The following NWD2 variants were observed in gnomAD, a reference collection of about 807,000 sequenced individuals.
NWD2 encodes the protein NACHT and WD repeat domain containing 2, also known as NACHT and WD repeat domain-containing protein 2.
NWD2 carries 37 observed loss-of-function variants against 132.7 expected under a neutral mutation model. The observed-to-expected ratio is 0.28, with a 90% CI of 0.21 to 0.37. The LOEUF (loss-of-function observed/expected upper bound fraction) is 0.37, where lower values mean the gene tolerates loss of function less well. Among genes scored for constraint, NWD2 ranks in the 10% least tolerant of loss-of-function variants. The pLI is 1.00. For missense variants in NWD2, 1,592 were observed against 2,122.4 expected, an observed-to-expected ratio of 0.75 and a Z score of 4.91; for synonymous variants, 705 against 803.0, an observed-to-expected ratio of 0.88 and a Z score of 2.06.
chr4:37,439,382 G>A lies in NWD2; in HGVS notation c.1288G>A (p.Ala430Thr), dbSNP rs1044805789. ...TGKTLLLAEV[A>T]KKAYGWLHED... is the part of the protein sequence containing the mutation. ...GAAGACCCTTCTGCTAGCTGAAGTAGCAAAGAAGGTAAAAGCCTATTCTTT... is the reference window on the plus strand; with the variant it reads ...GAAGACCCTTCTGCTAGCTGAAGTAACAAAGAAGGTAAAAGCCTATTCTTT... The change falls in exon 6 of 7, where the codon GCA (alanine) becomes ACA (threonine). Residue 430 changes from alanine to threonine, a missense_variant. By Grantham distance (58) the Ala-to-Thr change is moderately conservative. This residue lies in a region of NWD2 where 1,071 missense variants were observed against 1,398.0 expected (regional missense o/e 0.77). Transcript: ENST00000309447. This position sits in a 1 kb window ranked among gnomAD's most constrained non-coding sequence, Gnocchi z 4.5. 10 of 1,457,998 alleles carry A rather than the reference G, an allele frequency of 6.9e-6. No homozygotes were observed. In the Admixed American group the frequency reaches 2.8e-4, roughly 41 times the overall value. 90.3% of individuals were successfully genotyped at this position (1,457,998 alleles called of 1,614,324 possible). A position where few individuals can be genotyped will look rare whatever the true frequency, so the allele number is the denominator to read the frequency against.
intron 1 of NWD2, among the ~76,000 whole-genome samples, chr4:37,259,318 T>C (rs890405170): frequency 1.3e-5 from 2 of 152,232 alleles, no homozygotes. Flanking sequence ...AGCATTGCTG[T>C]TTGCTTAAAA....
intron 1 of NWD2, among the ~76,000 whole-genome samples, chr4:37,265,503 T>C (rs1717731328): frequency 6.6e-6 from 1 of 152,128 alleles, no homozygotes; most frequent in South Asian, 2.1e-4. Flanking sequence ...TATTGACAAG[T>C]CTGCATTCTC....
chr4:37,312,988 A>G (rs1718880940), intron 1 of NWD2, among the ~76,000 whole-genome samples: 1 of 151,088 alleles, frequency 6.6e-6, no homozygotes, highest in African/African-American at 2.5e-5. Context: ...CCACTTGATC[A>G]TGGTGGATAA....
At chr4:37,432,395 A>T (rs1447079224) in intron 4 of NWD2, among the ~76,000 whole-genome samples, 1 of 151,262 alleles carries the variant, frequency 6.6e-6, no homozygotes, top group Non-Finnish European at 1.5e-5. Flanking sequence ...AAGAAAATTG[A>T]TCACGTGAAA....
intron 1 of NWD2, among the ~76,000 whole-genome samples, chr4:37,279,141 GTT>G (rs1269949333): frequency 6.6e-6 from 1 of 152,088 alleles, no homozygotes; most frequent in Non-Finnish European, 1.5e-5. Flanking sequence ...TCTGTGGCAA[GTT>G]CCTTTATTTA....
At chr4:37,319,847 A>G (rs1354128746) in intron 1 of NWD2, among the ~76,000 whole-genome samples, 17 of 152,122 alleles carry the variant, frequency 1.1e-4, no homozygotes, top group Non-Finnish European at 2.5e-4. Flanking sequence ...CTGTTTTTGT[A>G]TCAGTACCGT....
At chr4:37,432,644 C>A (rs1712211301) in intron 4 of NWD2, among the ~76,000 whole-genome samples, 1 of 152,122 alleles carries the variant, frequency 6.6e-6, no homozygotes, top group African/African-American at 2.4e-5. Context: ...TTTGTAAAAT[C>A]TACCTAGCTA....
intron 2 of NWD2, among the ~76,000 whole-genome samples, chr4:37,354,366 G>C (rs1413620191): frequency 1.3e-5 from 2 of 152,210 alleles, no homozygotes; most frequent in Non-Finnish European, 2.9e-5. Context: ...AGCAGAGCTT[G>C]AGAGCTGTGC....
At chr4:37,389,556 ATGTTAGTC>A (rs1216591565) in intron 3 of NWD2, among the ~76,000 whole-genome samples, 6 of 152,142 alleles carry the variant, frequency 3.9e-5, no homozygotes, top group African/African-American at 1.4e-4. Context: ...AGAGCTTTTC[ATGTTAGTC>A]GTTCTGGCGC....
intron 3 of NWD2, among the ~76,000 whole-genome samples, chr4:37,366,576 GTTCAACTGTATGCGGTT>G (rs1329274856): frequency 6.6e-6 from 1 of 152,004 alleles, no homozygotes; most frequent in Non-Finnish European, 1.5e-5. Flanking sequence ...TTAAATACAG[GTTCAACTGTATGCGGTT>G]TTCAAGAGTT....
At chr4:37,264,786 CATT>C (rs1485540269) in intron 1 of NWD2, among the ~76,000 whole-genome samples, 1 of 112,512 alleles carries the variant, frequency 8.9e-6, no homozygotes, top group South Asian at 2.7e-4. Flanking sequence ...TGTAAAAAAA[CATT>C]ATATAAAGGA....
In NWD2 at chr4:37,444,876, TATC is replaced by T. The variant is rs765677686; in HGVS notation, c.2892_2894del (p.Ser966del). On this transcript the variant is annotated inframe_deletion, in exon 7 of 7. Coordinates refer to ENST00000309447, the MANE Select transcript of NWD2 (RefSeq NM_001144990.2). The surrounding 1 kb of genome is among the most constrained non-coding windows in gnomAD (Gnocchi z 4.8). ...ACATACAGCCCAGAGCGTCTTCCCTTATCATCCAGTCACCTGCATGTCACAGAG... is the reference window on the plus strand; with the variant it reads ...ACATACAGCCCAGAGCGTCTTCCCTTATCCAGTCACCTGCATGTCACAGAG... 1.9e-4 allele frequency: 299 copies of T among 1,552,144 alleles called. No homozygotes were observed. The highest frequency in any genetic ancestry group is 3.7e-4 in the Admixed American group (19 of 50,974).
intron 2 of NWD2, among the ~76,000 whole-genome samples, chr4:37,329,578 A>T (rs1247216626): frequency 6.6e-6 from 1 of 151,986 alleles, no homozygotes; most frequent in Non-Finnish European, 1.5e-5. Context: ...TCACACTACC[A>T]CACTCCAGTC....
chr4:37,412,125 T>C (rs149137939), intron 3 of NWD2, among the ~76,000 whole-genome samples: 28,657 of 152,092 alleles, frequency 0.19, 2,774 homozygotes, highest in East Asian at 0.3. Flanking sequence ...GTATTGGAAG[T>C]TCTGGCCAGG....
chr4:37,353,834 AG>A (rs1719818560), intron 2 of NWD2, among the ~76,000 whole-genome samples: 1 of 151,880 alleles, frequency 6.6e-6, no homozygotes, highest in South Asian at 2.1e-4. Context: ...CATCTTCCGA[AG>A]CCTACTTCTG....
chr4:37,277,848 C>T (rs1718053661), intron 1 of NWD2, among the ~76,000 whole-genome samples: 2 of 151,992 alleles, frequency 1.3e-5, no homozygotes, highest in Admixed American at 1.3e-4. Context: ...TTATATTTTT[C>T]CCTGAAGATT....
chr4:37,280,612 G>C (rs1258304340), intron 1 of NWD2, among the ~76,000 whole-genome samples: 1 of 152,128 alleles, frequency 6.6e-6, no homozygotes, highest in East Asian at 1.9e-4. Flanking sequence ...TCTGTACTGT[G>C]TCAGTCAAGG....
chr4:37,370,656 T>C (rs1216107488), intron 3 of NWD2, among the ~76,000 whole-genome samples: 1 of 152,202 alleles, frequency 6.6e-6, no homozygotes, highest in Non-Finnish European at 1.5e-5. Flanking sequence ...TTATTGCCTA[T>C]AGCAGTCTCA....
chr4:37,301,233 G>C (rs1026601917), intron 1 of NWD2, among the ~76,000 whole-genome samples: 4 of 152,024 alleles, frequency 2.6e-5, no homozygotes, highest in Non-Finnish European at 4.4e-5. Context: ...TTCTCTGGCT[G>C]TTTCTAAGAT....
Sources: allele counts gnomAD v4.1 joint callset (sites outside exome capture counted in the v4.1 genomes callset), GRCh38; gene constraint gnomAD v4.1.1; regional missense constraint gnomAD v4.1.1; non-coding constraint Gnocchi (gnomAD v3.1); transcripts MANE v1.5; gene names NCBI Gene and HGNC (gene_info 2026-07-23, HGNC 2026-07-21).